Variants in TLL2 observed in about 807,000 individuals in gnomAD.
TLL2 encodes the protein tolloid like 2, also known as tolloid-like protein 2.
In TLL2, 106 loss-of-function variants were observed where a neutral mutation model predicts 123.0. That is an observed-to-expected ratio of 0.86 (90% CI 0.74 to 1.01). The LOEUF (loss-of-function observed/expected upper bound fraction) is 1.01. Among genes scored for constraint, TLL2 ranks in the 50% least tolerant of loss-of-function variants. The pLI is 0.00. For synonymous variants in TLL2, 494 were observed against 516.8 expected (o/e 0.96, Z 0.60); for missense variants, 1,332 against 1,336.7 (o/e 1.00, Z 0.06).
chr10:96,408,246 G>A (rs1337767958), intron 9 of TLL2, among the ~76,000 whole-genome samples: 2 of 152,194 alleles, frequency 1.3e-5, no homozygotes, highest in East Asian at 3.8e-4. Context: ...TGATCTGAAT[G>A]AATGGGATAA....
intron 1 of TLL2, among the ~76,000 whole-genome samples, chr10:96,505,084 A>G (rs1847567038): frequency 6.6e-6 from 1 of 152,268 alleles, no homozygotes; most frequent in African/African-American, 2.4e-5. Flanking sequence ...TTATAAGCAA[A>G]AGAGGCTTAA....
intron 3 of TLL2, among the ~76,000 whole-genome samples, 182 bp from the exon 4 acceptor site, chr10:96,433,144 G>A (rs1296489765): frequency 1.3e-5 from 2 of 152,180 alleles, no homozygotes; most frequent in Non-Finnish European, 2.9e-5. Flanking sequence ...AAGAGTACAT[G>A]TAGTAAATGT....
chr10:96,506,790 C>T (rs916355314), intron 1 of TLL2, among the ~76,000 whole-genome samples: 5 of 152,034 alleles, frequency 3.3e-5, no homozygotes, highest in Non-Finnish European at 7.4e-5. Flanking sequence ...GGGTGTGCTG[C>T]ACTGATCACT....
chr10:96,500,987 T>A lies in TLL2; in HGVS notation c.175+12524A>T, dbSNP rs74151364. Among the ~76,000 whole-genome samples the A allele has an allele frequency of 4.3e-3, 657 of 152,262 alleles. 3 individuals are homozygous for A. The highest frequency in any genetic ancestry group is 0.017 in the Middle Eastern group (5 of 294). ...ATAGAGAGAGGTTCATGGTACTAAG[T>A]GAAATTCAAACAGAAGCAGGTTCAA... On this transcript the variant is annotated intron_variant, in intron 1 of 20. Coordinates refer to ENST00000357947, the MANE Select transcript of TLL2 (RefSeq NM_012465.4).
At position 96,386,976 on chromosome 10, in the gene TLL2, G is replaced by T. The variant is rs61743685; in HGVS notation, c.1829C>A (p.Ala610Asp). The T allele has an allele frequency of 1.5e-3, 2,390 of 1,614,042 alleles. 32 individuals carry two copies. The African/African-American group carries it at 0.024, about 16-fold the overall frequency. Residue 610 changes from alanine (A) to aspartate (D), a missense_variant, in exon 14 of 21, where the codon GCC (alanine) becomes GAC (aspartate). Coordinates refer to ENST00000357947, the MANE Select transcript of TLL2 (RefSeq NM_012465.4). ...ACCTTCACACATCTTCTTATCGGCG[G>T]CCAGCTCGTAGCCAGGGTCACAGGC... ...KCACDPGYEL[A>D]ADKKMCEVAC...
intron 7 of TLL2, among the ~76,000 whole-genome samples, chr10:96,414,678 G>A (rs1310369457): frequency 2.0e-5 from 3 of 151,976 alleles, no homozygotes; most frequent in African/African-American, 4.8e-5. Context: ...CAGATGCCTC[G>A]TAACACCTCC....
intron 2 of TLL2, among the ~76,000 whole-genome samples, chr10:96,453,769 T>A (rs1295673755): frequency 6.6e-6 from 1 of 152,194 alleles, no homozygotes; most frequent in Non-Finnish European, 1.5e-5. Flanking sequence ...CCAGTATGAT[T>A]CCATCTTTTC....
rs1589400777 is a variant in TLL2, at chr10:96,364,914, C to T, written c.*3174G>A. The T allele has an allele frequency of 6.6e-6, 1 of 152,296 alleles. No homozygotes were observed. The highest frequency in any genetic ancestry group is 3.4e-3 in the Middle Eastern group (1 of 294). 9.4% of individuals were successfully genotyped at this position (152,296 alleles called of 1,614,324 possible). A position where few individuals can be genotyped will look rare whatever the true frequency, so the allele number is the denominator to read the frequency against. ...ACCAATCTGAAAGCTATCAAAGGGA[C>T]CCAATCAATAGAAAATCTCAATGTG... On this transcript the variant is annotated 3_prime_UTR_variant, in exon 21 of 21. Transcript: ENST00000357947.
At chr10:96,506,272 A>G (rs899178985) in intron 1 of TLL2, among the ~76,000 whole-genome samples, 6 of 150,262 alleles carry the variant, frequency 4.0e-5, no homozygotes, top group Non-Finnish European at 8.9e-5. Flanking sequence ...AAAAGAAAAA[A>G]AAAAAAGAAA....
chr10:96,507,278 G>A (rs996580384), intron 1 of TLL2, among the ~76,000 whole-genome samples: 1 of 101,732 alleles, frequency 9.8e-6, no homozygotes, highest in African/African-American at 3.8e-5. Context: ...TTCCTCAGGG[G>A]CTAAGGCCAT....
At chr10:96,433,239 A>G (rs569259603) in intron 3 of TLL2, among the ~76,000 whole-genome samples, 1 of 152,072 alleles carries the variant, frequency 6.6e-6, no homozygotes, top group Non-Finnish European at 1.5e-5. Context: ...GGGCAGGGAT[A>G]CCTCACAGCT....
At chr10:96,449,317 G>A (rs1846931511) in intron 2 of TLL2, among the ~76,000 whole-genome samples, 1 of 152,178 alleles carries the variant, frequency 6.6e-6, no homozygotes, top group Non-Finnish European at 1.5e-5. Flanking sequence ...AGAACGAAGA[G>A]AACAAGGGAG....
intron 1 of TLL2, among the ~76,000 whole-genome samples, chr10:96,498,229 T>A (rs1035831559): frequency 2.0e-5 from 3 of 152,140 alleles, no homozygotes; most frequent in African/African-American, 7.2e-5. Flanking sequence ...AAAGACACGC[T>A]AGGCGGAGAG....
At chr10:96,511,045 TTCTGAGTC>T (rs144178375) in intron 1 of TLL2, among the ~76,000 whole-genome samples, 24,452 of 152,096 alleles carry the variant, frequency 0.16, 2,193 homozygotes, top group East Asian at 0.38. Context: ...CCCCTCTGCA[TTCTGAGTC>T]CACAGTAGGA....
At chr10:96,434,911 T>A (rs1416876722) in intron 3 of TLL2, among the ~76,000 whole-genome samples, 1 of 152,224 alleles carries the variant, frequency 6.6e-6, no homozygotes, top group Non-Finnish European at 1.5e-5. Context: ...TCATTTTGGT[T>A]TTGATTTTCA....
In TLL2 at chr10:96,422,514, C is replaced by A. The variant is rs773895411; in HGVS notation, c.817+35G>T. On this transcript the variant is annotated intron_variant, in intron 6 of 20. Coordinates refer to ENST00000357947, the MANE Select transcript of TLL2 (RefSeq NM_012465.4). ...GTCCCTGAGGTTGCCACCTTCTCGA[C>A]CGGTGCCTTCCAGACTCCACACAGG... The A allele has an allele frequency of 3.1e-6, 5 of 1,611,450 alleles. No homozygotes were observed. The East Asian group carries it at 1.1e-4, about 36-fold the overall frequency.
chr10:96,484,331 T>G (rs1010974297), intron 1 of TLL2, among the ~76,000 whole-genome samples: 4 of 152,210 alleles, frequency 2.6e-5, no homozygotes, highest in Non-Finnish European at 5.9e-5. Context: ...TGATCCAGGC[T>G]GAACATGTAA....
At chr10:96,435,195 C>T (rs1846784980) in intron 3 of TLL2, among the ~76,000 whole-genome samples, 1 of 151,974 alleles carries the variant, frequency 6.6e-6, no homozygotes, top group South Asian at 2.1e-4. Context: ...CCACACCCAG[C>T]TAATTTTTTG....
intron 8 of TLL2, among the ~76,000 whole-genome samples, chr10:96,412,494 C>T (rs1412436431): frequency 1.3e-5 from 2 of 152,108 alleles, no homozygotes; most frequent in Non-Finnish European, 2.9e-5. Context: ...AGAGCTCAGA[C>T]GGTGTGTGTA....
Sources: gnomAD v4.1 joint callset for allele counts (sites outside exome capture counted in the v4.1 genomes callset) on GRCh38, gnomAD v4.1.1 for gene constraint, MANE v1.5 for transcripts, NCBI Gene and HGNC (gene_info 2026-07-23, HGNC 2026-07-21) for gene names.